Variants in RSPO2 observed in about 807,000 individuals in gnomAD.
The protein encoded by RSPO2 is R-spondin 2.
A neutral mutation model predicts 30.9 loss-of-function variants in RSPO2; 14 were observed. That is an observed-to-expected ratio of 0.45 (90% CI 0.30 to 0.71). RSPO2 has a LOEUF of 0.71. Ranked by LOEUF, RSPO2 falls within the 30% of genes least tolerant of loss-of-function variation. The probability of loss-of-function intolerance (pLI) is 0.08; values close to 1 mark genes in which losing one functional copy is unlikely to be tolerated. For missense variants in RSPO2, 264 were observed against 301.9 expected (o/e 0.87, Z 0.93); for synonymous variants, 107 against 96.4 (o/e 1.11, Z -0.64).
chr8:107,948,625 C>T (rs112947597), intron 5 of RSPO2, among the ~76,000 whole-genome samples: 2,156 of 152,048 alleles, frequency 0.014, 41 homozygotes, highest in African/African-American at 0.047. Flanking sequence ...ATCTTAAGGC[C>T]GAGGCAGGCA....
rs949889123 is a variant in RSPO2 at position 107,994,412 on chromosome 8, T to A, written c.95-5168A>T. ...TACTTTTTTTTTCCAAACAGAAATA[T>A]CCTACTGATGGGACATGGTGGGAGA... On this transcript the variant is annotated intron_variant, in intron 2 of 5. Coordinates refer to ENST00000276659, the MANE Select transcript of RSPO2 (RefSeq NM_178565.5). Among the ~76,000 whole-genome samples, 4 of 152,138 alleles carry A rather than the reference T, an allele frequency of 2.6e-5. No individual in the cohort carries two copies. In the East Asian group the frequency reaches 7.7e-4, roughly 29 times the overall value.
intron 5 of RSPO2, among the ~76,000 whole-genome samples, chr8:107,910,893 A>C (rs564609407): frequency 2.6e-5 from 4 of 152,250 alleles, no homozygotes; most frequent in Admixed American, 2.0e-4. Context: ...TCCCATCTCT[A>C]TTTTTAAAAA....
chr8:107,969,323 G>A (rs192113648), intron 3 of RSPO2, among the ~76,000 whole-genome samples: 6 of 152,054 alleles, frequency 3.9e-5, no homozygotes, highest in Non-Finnish European at 5.9e-5. Flanking sequence ...TTTAACTGCC[G>A]AGGACATATA....
intron 5 of RSPO2, among the ~76,000 whole-genome samples, chr8:107,935,104 A>G (rs1812674475): frequency 6.6e-6 from 1 of 152,184 alleles, no homozygotes; most frequent in East Asian, 1.9e-4. Context: ...GGGACAGAAC[A>G]GAATAGTATT....
chr8:107,924,407 A>G (rs1020106725), intron 5 of RSPO2, among the ~76,000 whole-genome samples: 6 of 152,020 alleles, frequency 3.9e-5, no homozygotes, highest in African/African-American at 1.4e-4. Flanking sequence ...AGAGGAGGGG[A>G]TCAGTATTAA....
chr8:108,047,528 A>G (rs369849375), intron 2 of RSPO2, among the ~76,000 whole-genome samples: 4 of 152,144 alleles, frequency 2.6e-5, no homozygotes, highest in African/African-American at 9.7e-5. Flanking sequence ...CAGTGCTTCT[A>G]TTCATTCAAT....
intron 2 of RSPO2, among the ~76,000 whole-genome samples, chr8:107,990,512 C>G (rs576783028): frequency 1.3e-5 from 2 of 152,174 alleles, no homozygotes; most frequent in East Asian, 3.9e-4. Flanking sequence ...GATGAAAGAT[C>G]TCTATAAGGA....
chr8:108,050,979 G>T (rs1202502874), intron 2 of RSPO2, among the ~76,000 whole-genome samples: 1 of 152,088 alleles, frequency 6.6e-6, no homozygotes. Context: ...ACAGCAACAT[G>T]CCACAAATGA....
At chr8:108,020,731 T>C (rs1194790379) in intron 2 of RSPO2, among the ~76,000 whole-genome samples, 1 of 152,150 alleles carries the variant, frequency 6.6e-6, no homozygotes, top group African/African-American at 2.4e-5. Flanking sequence ...CCCTAACCTA[T>C]AAAGGAACAT....
chr8:108,015,597 A>G (rs1026807538), intron 2 of RSPO2, among the ~76,000 whole-genome samples: 10 of 151,960 alleles, frequency 6.6e-5, no homozygotes, highest in Middle Eastern at 3.4e-3. Flanking sequence ...ATTTCTGACC[A>G]CTCTTGATAT....
intron 5 of RSPO2, among the ~76,000 whole-genome samples, chr8:107,919,184 T>C (rs1397912909): frequency 1.3e-5 from 2 of 152,066 alleles, no homozygotes; most frequent in African/African-American, 2.4e-5. Context: ...ACGAAGAAGT[T>C]AGAGCAGTTG....
chr8:107,954,149 A>G (rs2130421097), intron 5 of RSPO2, among the ~76,000 whole-genome samples: 1 of 152,322 alleles, frequency 6.6e-6, no homozygotes, highest in Non-Finnish European at 1.5e-5. Flanking sequence ...CCACACAGAT[A>G]GGACAGAATA....
At position 108,020,812 on chromosome 8, in the gene RSPO2, C is replaced by T. The variant is rs554380072; in HGVS notation, c.95-31568G>A. ...AGGGCTAAGGGCCACTATAGTATCA[C>T]TCTGAGGCACGCTGGAGTCTTCTAT... On this transcript the variant is annotated intron_variant, in intron 2 of 5. Transcript: ENST00000276659. Among the ~76,000 whole-genome samples, 12 of 152,278 alleles carry T rather than the reference C, an allele frequency of 7.9e-5. No individual in the cohort carries two copies. The South Asian group carries it at 2.3e-3, about 29-fold the overall frequency.
chr8:108,031,067 A>G (rs78037061), intron 2 of RSPO2, among the ~76,000 whole-genome samples: 2,124 of 152,312 alleles, frequency 0.014, 52 homozygotes, highest in African/African-American at 0.048. Flanking sequence ...GATTTTGTTC[A>G]GGTTCCATCA....
At chr8:107,998,025 G>T (rs1274023240) in intron 2 of RSPO2, among the ~76,000 whole-genome samples, 1 of 152,160 alleles carries the variant, frequency 6.6e-6, no homozygotes, top group Non-Finnish European at 1.5e-5. Flanking sequence ...TAATAAGACT[G>T]AACAGTGGGC....
intron 2 of RSPO2, among the ~76,000 whole-genome samples, chr8:108,052,962 C>G (rs1384937508): frequency 6.6e-6 from 1 of 152,112 alleles, no homozygotes; most frequent in African/African-American, 2.4e-5. Flanking sequence ...ATCTCTCTTA[C>G]ACATATATAT....
At chr8:107,955,838 G>A (rs1813415829) in intron 5 of RSPO2, among the ~76,000 whole-genome samples, 1 of 152,122 alleles carries the variant, frequency 6.6e-6, no homozygotes, top group Admixed American at 6.5e-5. Flanking sequence ...GGTTAAGATT[G>A]GCTTCAACAG....
At chr8:107,915,606 G>A (rs1410192332) in intron 5 of RSPO2, among the ~76,000 whole-genome samples, 3 of 152,102 alleles carry the variant, frequency 2.0e-5, no homozygotes, top group Non-Finnish European at 4.4e-5. Context: ...TTGTGTGTGT[G>A]TGTGTGTATA....
chr8:108,023,498 G>A (rs774522938), intron 2 of RSPO2, among the ~76,000 whole-genome samples: 1 of 152,268 alleles, frequency 6.6e-6, no homozygotes, highest in East Asian at 1.9e-4. Flanking sequence ...TTTGATTTTC[G>A]ATTCAGAGTT....
Sources: allele counts gnomAD v4.1 joint callset (sites outside exome capture counted in the v4.1 genomes callset), GRCh38; gene constraint gnomAD v4.1.1; transcripts MANE v1.5; gene names NCBI Gene and HGNC (gene_info 2026-07-23, HGNC 2026-07-21).